MCM3: variants seen among roughly 807,000 people sequenced by gnomAD.
MCM3 encodes the protein DNA replication licensing factor MCM3.
A neutral mutation model predicts 91.3 loss-of-function variants in MCM3; 59 were observed. The ratio of observed to expected loss-of-function variants is 0.65; its 90% confidence interval spans 0.52 to 0.80. The LOEUF (loss-of-function observed/expected upper bound fraction) is 0.80. Ranked by LOEUF, MCM3 falls within the 30% of genes least tolerant of loss-of-function variation. The probability of loss-of-function intolerance (pLI) is 0.00; values close to 1 mark genes in which losing one functional copy is unlikely to be tolerated. For synonymous variants in MCM3, 383 were observed against 379.6 expected, an observed-to-expected ratio of 1.01 and a Z score of -0.10; for missense variants, 919 against 1,035.4, an observed-to-expected ratio of 0.89 and a Z score of 1.54.
At chr6:52,282,547 C>T (rs137951443) in intron 3 of MCM3, 106 bp downstream of exon 3, 40 of 993,708 alleles carry the variant, frequency 4.0e-5, no homozygotes, top group Admixed American at 2.1e-4. Flanking sequence ...AATTCCAATG[C>T]TCCACCTCTT....
chr6:52,265,960 T>C (rs554668989), intron 16 of MCM3, 115 bp downstream of exon 16: 2 of 770,016 alleles, frequency 2.6e-6, no homozygotes, highest in Admixed American at 5.0e-5. Context: ...AGGCCTCTAG[T>C]TTTGAGTTCT....
At chr6:52,279,299 G>A (rs1470610060) in intron 5 of MCM3, 62 bp downstream of exon 5, 29 of 1,396,214 alleles carry the variant, frequency 2.1e-5, no homozygotes, top group Non-Finnish European at 2.9e-5. Flanking sequence ...ACTGGAGAAA[G>A]GATATTACCA....
chr6:52,279,661 A>C, intron 4 of MCM3, 62 bp from the exon 5 acceptor site: 1 of 1,215,894 alleles, frequency 8.2e-7, no homozygotes. Context: ...TGCCACACTC[A>C]CCTGTCATGG....
intron 6 of MCM3, among the ~76,000 whole-genome samples, chr6:52,278,095 A>G (rs980854984): frequency 6.7e-6 from 1 of 149,174 alleles, no homozygotes; most frequent in East Asian, 1.9e-4. Flanking sequence ...AAAAAAAAAA[A>G]AAGAAAATAC....
At chr6:52,281,517 A>G (rs1766095037) in intron 4 of MCM3, among the ~76,000 whole-genome samples, 1 of 152,004 alleles carries the variant, frequency 6.6e-6, no homozygotes, top group South Asian at 2.1e-4. Flanking sequence ...CTCTAGAAAA[A>G]AGTGAAAAAA....
chr6:52,274,696 A>G (rs1268208322), intron 9 of MCM3, among the ~76,000 whole-genome samples: 1 of 151,874 alleles, frequency 6.6e-6, no homozygotes, highest in East Asian at 1.9e-4. Context: ...CTCAGAAAAA[A>G]AAAAAAAAAA....
At chr6:52,276,934 T>C in intron 8 of MCM3, 133 bp downstream of exon 8, 1 of 1,011,624 alleles carries the variant, frequency 9.9e-7, no homozygotes, top group South Asian at 1.7e-5. Flanking sequence ...CCACCATTGC[T>C]GAATACTCAG....
rs201433040 is a variant in MCM3 at position 52,284,712 on chromosome 6, G to A, written c.-38C>T. 2 of 1,586,118 alleles carry A rather than the reference G, an allele frequency of 1.3e-6. No homozygotes were observed. Among genetic ancestry groups the A allele is most frequent in the African/African-American group, 1.3e-5 (1 of 74,254 alleles). ...AGAACTACCTCCACCAAAGTCGCGT[G>A]GAGGTTCCCAGGATGACTCCACCCC... On this transcript the variant is annotated 5_prime_UTR_variant, in exon 1 of 17. Transcript: ENST00000596288.
chr6:52,277,060 C>A lies in MCM3; in HGVS notation c.1165+7G>T, dbSNP rs1241002463. ...TGGGCCTTTGCCAAGGACCCTTACA[C>A]CCTTACCTGTTTCCTGGTCTGTGGT... On this transcript the variant is annotated splice_region_variant and intron_variant, in intron 8 of 16. Coordinates refer to ENST00000596288, the MANE Select transcript of MCM3 (RefSeq NM_002388.6). 1 of 1,613,412 alleles carries A rather than the reference C, an allele frequency of 6.2e-7. No individual in the cohort carries two copies.
intron 16 of MCM3, chr6:52,265,409 CTG>C (rs1764567709): frequency 4.3e-6 from 1 of 231,728 alleles, no homozygotes. Flanking sequence ...AAAATAAACA[CTG>C]TAAAAAAGTA....
chr6:52,278,862 A>C lies in MCM3; in HGVS notation c.771-12T>G. ...CAATCAGGACAGTCCTGGGACAAAC[A>C]GAATAAAGAGGAAACCCGTTATATT... On this transcript the variant is annotated splice_polypyrimidine_tract_variant and intron_variant, in intron 5 of 16. Transcript: ENST00000596288. The C allele has an allele frequency of 6.3e-7, 1 of 1,576,554 alleles. No homozygotes were observed. Among genetic ancestry groups the C allele is most frequent in the South Asian group, 1.1e-5 (1 of 88,920 alleles).
At chr6:52,275,357 CT>C (rs1260337212) in intron 9 of MCM3, among the ~76,000 whole-genome samples, 3 of 152,202 alleles carry the variant, frequency 2.0e-5, no homozygotes. Flanking sequence ...GTTACATAAT[CT>C]TTTGTACCTC....
intron 1 of MCM3, 99 bp from the exon 2 acceptor site, chr6:52,283,505 G>A: frequency 1.2e-6 from 1 of 822,386 alleles, no homozygotes; most frequent in Non-Finnish European, 2.1e-6. Flanking sequence ...GTCAATCTCT[G>A]CAGCAGAGCT....
In MCM3 at chr6:52,273,317, T is replaced by C. The variant is rs759806419; in HGVS notation, c.1589A>G (p.Asp530Gly). ...LGSAVDILAT[D>G]DPNFSQEDQQ... ...ATCTTCCTGGCTAAAGTTGGGATCATCTGTGGCCAGGATATCCACAGCACT... is the reference window on the plus strand; with the variant it reads ...ATCTTCCTGGCTAAAGTTGGGATCACCTGTGGCCAGGATATCCACAGCACT... The change falls in exon 11 of 17, where the codon GAT (aspartate) becomes GGT (glycine). Residue 530 changes from aspartate (D) to glycine (G), a missense_variant. Around this residue, in one of 3 missense-constraint regions of MCM3, gnomAD observed 233 missense variants for 321.2 expected, o/e 0.73. Transcript: ENST00000596288. 6 of 1,614,056 alleles carry C rather than the reference T, an allele frequency of 3.7e-6. No individual in the cohort carries two copies. The highest frequency in any genetic ancestry group is 4.2e-6 in the Non-Finnish European group (5 of 1,180,024).
intron 8 of MCM3, 136 bp from the exon 9 acceptor site, chr6:52,276,612 C>T: frequency 2.8e-6 from 2 of 722,238 alleles, no homozygotes; most frequent in Non-Finnish European, 4.5e-6. Context: ...CTCCGAGAAA[C>T]TTAGAGGAAA....
intron 1 of MCM3, 28 bp downstream of exon 1, chr6:52,284,569 A>G (rs1766475364): frequency 3.8e-6 from 6 of 1,579,372 alleles, no homozygotes; most frequent in Middle Eastern, 1.9e-4. Flanking sequence ...TCCGAGCGCT[A>G]GAGCCCGCGC....
At position 52,277,141 on chromosome 6, in the gene MCM3, C is replaced by A; in HGVS notation, c.1091G>T (p.Arg364Leu). 6 of 1,614,048 alleles carry A rather than the reference C, an allele frequency of 3.7e-6. No homozygotes were observed. The highest frequency in any genetic ancestry group is 5.1e-6 in the Non-Finnish European group (6 of 1,180,006). ...GCCCCGGCCAGTGGTGGGGATAGCTCGGGGTGCAGTGCAAAGCACATACCG... is the reference window on the plus strand; with the variant it reads ...GCCCCGGCCAGTGGTGGGGATAGCTAGGGGTGCAGTGCAAAGCACATACCG... ...LLRYVLCTAPRAIPTTGRGSS... is the reference protein window; with the variant it reads ...LLRYVLCTAPLAIPTTGRGSS... Residue 364 changes from arginine to leucine, a missense_variant, in exon 8 of 17, where the codon CGA (arginine) becomes CTA (leucine). Coordinates refer to ENST00000596288, the MANE Select transcript of MCM3 (RefSeq NM_002388.6).
At chr6:52,275,088 G>T (rs779263172) in intron 9 of MCM3, among the ~76,000 whole-genome samples, 7 of 152,090 alleles carry the variant, frequency 4.6e-5, no homozygotes, top group Non-Finnish European at 1.0e-4. Context: ...AAAAGCTATG[G>T]TTTTCAACCT....
intron 12 of MCM3, among the ~76,000 whole-genome samples, chr6:52,270,909 A>G (rs13436970): frequency 0.06 from 9,200 of 152,200 alleles, 575 homozygotes; most frequent in East Asian, 0.3. Context: ...TGCTCTGCGC[A>G]TGCTGTCACT....
Sources: allele counts gnomAD v4.1 joint callset (sites outside exome capture counted in the v4.1 genomes callset), GRCh38; gene constraint gnomAD v4.1.1; regional missense constraint gnomAD v4.1.1; transcripts MANE v1.5; gene names NCBI Gene and HGNC (gene_info 2026-07-23, HGNC 2026-07-21).